The following BTBD2 variants were observed in gnomAD, a reference collection of about 807,000 sequenced individuals.
BTBD2 encodes the protein BTB domain containing 2.
Under a neutral mutation model 44.0 loss-of-function variants are expected in BTBD2, and 15 were observed. The observed-to-expected ratio is 0.34, with a 90% CI of 0.23 to 0.53. The LOEUF (loss-of-function observed/expected upper bound fraction) is 0.53, where lower values mean the gene tolerates loss of function less well. Ranked by LOEUF, BTBD2 falls within the 20% of genes least tolerant of loss-of-function variation. BTBD2 has a pLI of 0.95. For synonymous variants in BTBD2, 443 were observed against 335.9 expected, an observed-to-expected ratio of 1.32 and a Z score of -3.49; for missense variants, 657 against 746.4, an observed-to-expected ratio of 0.88 and a Z score of 1.39.
Position 1,993,119 on chromosome 19 carries a change from G to C in BTBD2, c.585C>G (p.Tyr195Ter), listed in dbSNP as rs2016204103. ...IGPETVMTTL[Y>*]TAKKYAVPAL... ...CTGGCACCGCGTACTTCTTGGCGGT[G>C]TATAGCGTGGTCATCACCGTCTCCG... Residue 195 changes from tyrosine (Y) to a stop codon, truncating the protein, a stop_gained, in exon 3 of 9, where the codon TAC (tyrosine) becomes TAG (stop). Transcript: ENST00000255608. LOFTEE classifies it high-confidence loss of function. 1 of 1,608,274 alleles carries C rather than the reference G, an allele frequency of 6.2e-7. No homozygotes were observed. Among genetic ancestry groups the C allele is most frequent in the African/African-American group, 1.3e-5 (1 of 74,932 alleles).
rs1202290260 is a variant in BTBD2, at chr19:2,015,288, G to C, written c.407+9C>G. On this transcript the variant is annotated intron_variant, in intron 1 of 8. Transcript: ENST00000255608. ...TCGGGGCCAGGGCTGGCGGGGTCGG[G>C]GCGCCCACCTGTGCGCGGGGATGCG... is the stretch of plus-strand genomic sequence containing the variant. 1.3e-6 allele frequency: 2 copies of C among 1,544,460 alleles called. No individual in the cohort carries two copies. The highest frequency in any genetic ancestry group is 1.7e-6 in the Non-Finnish European group (2 of 1,151,762).
Position 1,986,348 on chromosome 19 carries a change from G to A in BTBD2, c.*140C>T, listed in dbSNP as rs989186300. 52 of 1,089,892 alleles carry A rather than the reference G, an allele frequency of 4.8e-5. No homozygotes were observed. In the East Asian group the frequency reaches 1.1e-3, roughly 23 times the overall value. The allele number at this position is 1,089,892 out of a possible 1,614,324, so 67.5% of individuals were successfully genotyped here. ...CACAGGGCAACCCCGTCCTGATGCTGAGAAAGGTGGCATGGAGTGGACAGA... is the reference window on the plus strand; with the variant it reads ...CACAGGGCAACCCCGTCCTGATGCTAAGAAAGGTGGCATGGAGTGGACAGA... On this transcript the variant is annotated 3_prime_UTR_variant, in exon 9 of 9. Transcript: ENST00000255608.
Position 1,995,640 on chromosome 19 carries a change from A to ATT in BTBD2, c.527+1702_527+1703dup, listed in dbSNP as rs201871379. Among the ~76,000 whole-genome samples the ATT allele has an allele frequency of 4.0e-3, 508 of 126,308 alleles. 6 individuals carry two copies. The highest frequency in any genetic ancestry group is 0.017 in the East Asian group (73 of 4,308). 82.9% of individuals were successfully genotyped at this position (126,308 alleles called of 152,430 possible). On this transcript the variant is annotated intron_variant, in intron 2 of 8. Coordinates refer to ENST00000255608, the MANE Select transcript of BTBD2 (RefSeq NM_017797.4). ...GATCTTACATTTTGGACTTTGATCT[A>ATT]TTTTTTTTTTTTTTGAGACAGAGTC...
At chr19:1,989,933 C>T in intron 5 of BTBD2, 71 bp downstream of exon 5, 1 of 1,548,412 alleles carries the variant, frequency 6.5e-7, no homozygotes, top group Non-Finnish European at 8.8e-7. Context: ...GGGGCACTAT[C>T]CTCGGTACCC....
chr19:2,015,368 G>A lies in BTBD2; in HGVS notation c.336C>T (p.Asn112=). The A allele has an allele frequency of 6.3e-7, 1 of 1,585,234 alleles. No homozygotes were observed. Among genetic ancestry groups the A allele is most frequent in the Non-Finnish European group, 8.5e-7 (1 of 1,173,040 alleles). Residue 112 remains asparagine, a synonymous_variant, in exon 1 of 9, where the codon AAC becomes AAT. Transcript: ENST00000255608. ...AGTGCACGTCGCACAGCACCTCGTT[G>A]TTGAAGAGGAAGGCGAAGCGCTCCT... The part of the protein sequence containing the change: ...TVQERFAFLF[N]NEVLCDVHFL...
chr19:2,004,560 G>A (rs978027839), intron 1 of BTBD2, among the ~76,000 whole-genome samples: 2 of 151,510 alleles, frequency 1.3e-5, no homozygotes, highest in Non-Finnish European at 2.9e-5. Context: ...GCCTCCCGAA[G>A]TGCTGGGATT....
intron 1 of BTBD2, among the ~76,000 whole-genome samples, chr19:2,002,394 G>C (rs1158472603): frequency 6.6e-6 from 1 of 152,232 alleles, no homozygotes; most frequent in Non-Finnish European, 1.5e-5. Flanking sequence ...AGTTCTGTAA[G>C]CTGTTATGGC....
intron 1 of BTBD2, among the ~76,000 whole-genome samples, chr19:2,006,375 A>G (rs1026843128): frequency 6.6e-6 from 1 of 152,136 alleles, no homozygotes; most frequent in Non-Finnish European, 1.5e-5. Context: ...TTCAAACCAG[A>G]TAAAAGTAAA....
At chr19:2,012,617 G>A (rs954599464) in intron 1 of BTBD2, among the ~76,000 whole-genome samples, 1 of 152,178 alleles carries the variant, frequency 6.6e-6, no homozygotes, top group Non-Finnish European at 1.5e-5. Context: ...GCTGAGTGGG[G>A]GTCCACGCCC....
At chr19:1,987,785 C>T (rs573045793) in intron 5 of BTBD2, 93 bp from the exon 6 acceptor site, 30 of 1,309,650 alleles carry the variant, frequency 2.3e-5, no homozygotes, top group African/African-American at 3.0e-5. Context: ...AAGATGTCTG[C>T]GTCGGACTTT....
chr19:2,001,987 C>T (rs755418618), intron 1 of BTBD2, among the ~76,000 whole-genome samples: 67 of 152,164 alleles, frequency 4.4e-4, no homozygotes, highest in Non-Finnish European at 7.5e-4. Flanking sequence ...ATGATCCGCC[C>T]GCCTCCGTCT....
In BTBD2 at chr19:1,990,197, C is replaced by G; in HGVS notation, c.795G>C (p.Thr265=). 6.3e-7 allele frequency: 1 copy of G among 1,595,710 alleles called. No homozygotes were observed. The highest frequency in any genetic ancestry group is 1.3e-5 in the African/African-American group (1 of 74,610). ...AEGFTDIDLD[T]LVAVLERDTL... ...TGTCGCGCTCCAGGACAGCCACCAG[C>G]GTGTCTGTGGGGTGGAGGAAGGGGC... Residue 265 remains threonine, a synonymous_variant, in exon 5 of 9, where the codon ACG becomes ACC. Transcript: ENST00000255608.
At chr19:1,993,850 A>G (rs2016214469) in intron 2 of BTBD2, among the ~76,000 whole-genome samples, 1 of 150,954 alleles carries the variant, frequency 6.6e-6, no homozygotes, top group African/African-American at 2.4e-5. Flanking sequence ...TACAAAAATT[A>G]GCTGGGCGTG....
chr19:1,990,228 G>T, intron 4 of BTBD2, 27 bp from the exon 5 acceptor site: 2 of 1,565,974 alleles, frequency 1.3e-6, no homozygotes, highest in South Asian at 1.2e-5. Context: ...GGGGCTGCGT[G>T]AACACGACAC....
At chr19:1,989,060 G>A (rs1209323609) in intron 5 of BTBD2, among the ~76,000 whole-genome samples, 2 of 152,162 alleles carry the variant, frequency 1.3e-5, no homozygotes, top group African/African-American at 2.4e-5. Flanking sequence ...TTACAGGCAT[G>A]AGCCACCACA....
At chr19:2,012,337 A>C (rs2016476842) in intron 1 of BTBD2, among the ~76,000 whole-genome samples, 1 of 149,152 alleles carries the variant, frequency 6.7e-6, no homozygotes, top group African/African-American at 2.5e-5. Flanking sequence ...ATTTTTGTAG[A>C]GACAGGGTTT....
chr19:1,995,535 G>C (rs915145514), intron 2 of BTBD2, among the ~76,000 whole-genome samples: 7 of 151,726 alleles, frequency 4.6e-5, no homozygotes, highest in Admixed American at 4.6e-4. Context: ...ACCCACCTCG[G>C]CCTCCCAAAG....
In BTBD2 at chr19:1,990,114, T is replaced by A; in HGVS notation, c.878A>T (p.Glu293Val). 1.2e-6 allele frequency: 2 copies of A among 1,612,894 alleles called. No individual in the cohort carries two copies. Among genetic ancestry groups the A allele is most frequent in the Middle Eastern group, 3.3e-4 (2 of 6,062 alleles). ...FNAVVRWSEAECQRQQLQVTP... is the reference protein window; with the variant it reads ...FNAVVRWSEAVCQRQQLQVTP... The stretch of plus-strand genomic sequence containing the variant: ...CACCTGCAGCTGCTGCCGCTGACAC[T>A]CGGCCTCGGACCAGCGGACAACGGC... Residue 293 changes from glutamate to valine, a missense_variant, in exon 5 of 9, where the codon GAG becomes GTG. This residue lies in a region of BTBD2 where 449 missense variants were observed against 510.9 expected (regional missense o/e 0.88). Transcript: ENST00000255608.
intron 3 of BTBD2, among the ~76,000 whole-genome samples, chr19:1,991,568 C>T (rs1289508287): frequency 6.6e-6 from 1 of 152,218 alleles, no homozygotes; most frequent in Non-Finnish European, 1.5e-5. Context: ...ATGACCCGGA[C>T]AAGAAACCCC....
Sources: gnomAD v4.1 joint callset for allele counts (sites outside exome capture counted in the v4.1 genomes callset) on GRCh38, gnomAD v4.1.1 for gene constraint, gnomAD v4.1.1 regional missense constraint, MANE v1.5 for transcripts, NCBI Gene and HGNC (gene_info 2026-07-23, HGNC 2026-07-21) for gene names.